EVI5: variants seen among roughly 807,000 people sequenced by gnomAD.
EVI5 encodes the protein ecotropic viral integration site 5 protein homolog.
In EVI5, 73 loss-of-function variants were observed where a neutral mutation model predicts 112.0. The ratio of observed to expected loss-of-function variants is 0.65; its 90% confidence interval spans 0.54 to 0.79. The LOEUF (loss-of-function observed/expected upper bound fraction) is 0.79. Among genes scored for constraint, EVI5 ranks in the 30% least tolerant of loss-of-function variants. EVI5 has a pLI of 0.00. For missense variants in EVI5, 900 were observed against 968.8 expected, an observed-to-expected ratio of 0.93 and a Z score of 0.94; for synonymous variants, 305 against 319.9, an observed-to-expected ratio of 0.95 and a Z score of 0.50.
rs1669403225 is a variant in EVI5, at chr1:92,565,965, A to AAAAAAAAAAAAAAG, written c.2071-2229_2071-2228insCTTTTTTTTTTTTT. Among the ~76,000 whole-genome samples the AAAAAAAAAAAAAAG allele has an allele frequency of 2.0e-5, 3 of 149,860 alleles. No homozygotes were observed. The South Asian group carries it at 6.5e-4, about 33-fold the overall frequency. ...AGCCCGAGCAAAAAAAAAAAAAAAA[A>AAAAAAAAAAAAAAG]AAAGAAATGTTCTAGCGACAGAGTG... On this transcript the variant is annotated intron_variant, in intron 18 of 19. Transcript: ENST00000684568.
chr1:92,658,288 A>G (rs1270808485), intron 13 of EVI5, among the ~76,000 whole-genome samples: 1 of 152,200 alleles, frequency 6.6e-6, no homozygotes, highest in Admixed American at 6.5e-5. Flanking sequence ...GGAAAAGAGG[A>G]AGTCAAATTA....
At chr1:92,549,336 C>T (rs988872721) in intron 19 of EVI5, among the ~76,000 whole-genome samples, 4 of 152,098 alleles carry the variant, frequency 2.6e-5, no homozygotes, top group East Asian at 1.9e-4. Context: ...ACACCTTATA[C>T]TAAAATTAAT....
intron 9 of EVI5, among the ~76,000 whole-genome samples, chr1:92,683,328 T>A (rs1413013810): frequency 6.6e-6 from 1 of 152,132 alleles, no homozygotes; most frequent in Non-Finnish European, 1.5e-5. Context: ...GGGTTCTGAC[T>A]GTTAGAAGAA....
Position 92,695,300 on chromosome 1 carries a change from A to G in EVI5, c.909+10T>C. ...CTCAGCTCCTGCTCTTTGTCTGCCC[A>G]TTAGCTTACCTCAGACATAAAGATA... On this transcript the variant is annotated intron_variant, in intron 7 of 19. Transcript: ENST00000684568. 1.2e-6 allele frequency: 2 copies of G among 1,602,134 alleles called. No homozygotes were observed. Among genetic ancestry groups the G allele is most frequent in the Non-Finnish European group, 1.7e-6 (2 of 1,174,268 alleles).
At chr1:92,553,185 C>T (rs1467253047) in intron 19 of EVI5, among the ~76,000 whole-genome samples, 2 of 151,960 alleles carry the variant, frequency 1.3e-5, no homozygotes, top group Non-Finnish European at 2.9e-5. Flanking sequence ...GGCTGGAACG[C>T]AGTGGTACAA....
intron 18 of EVI5, among the ~76,000 whole-genome samples, chr1:92,587,271 A>AT (rs1482097917): frequency 2.0e-5 from 3 of 152,058 alleles, no homozygotes; most frequent in East Asian, 1.9e-4. Flanking sequence ...TACAGAAGAT[A>AT]TTTTTTCAAA....
intron 13 of EVI5, among the ~76,000 whole-genome samples, chr1:92,643,549 C>T (rs1660394244): frequency 6.6e-6 from 1 of 152,082 alleles, no homozygotes; most frequent in Non-Finnish European, 1.5e-5. Flanking sequence ...GCTATGGTTA[C>T]AGGCATGAGT....
chr1:92,634,550 C>G (rs185021359), intron 14 of EVI5, among the ~76,000 whole-genome samples: 10 of 152,284 alleles, frequency 6.6e-5, no homozygotes, highest in African/African-American at 2.4e-4. Context: ...AAGGACTTCT[C>G]TGCATTGGTT....
chr1:92,561,360 G>A (rs1668504351), intron 19 of EVI5, among the ~76,000 whole-genome samples: 1 of 151,848 alleles, frequency 6.6e-6, no homozygotes, highest in African/African-American at 2.4e-5. Context: ...TTTTCAAAAA[G>A]ATGCAGTTTG....
chr1:92,639,994 C>T (rs1394279606), intron 13 of EVI5, among the ~76,000 whole-genome samples: 1 of 152,070 alleles, frequency 6.6e-6, no homozygotes, highest in African/African-American at 2.4e-5. Flanking sequence ...TTCAACAAAC[C>T]CGACAAAAGC....
intron 16 of EVI5, among the ~76,000 whole-genome samples, chr1:92,621,092 A>G (rs1157074028): frequency 4.6e-5 from 7 of 152,128 alleles, no homozygotes; most frequent in Non-Finnish European, 1.0e-4. Context: ...AAACTCTTGA[A>G]AGATGTATAA....
In EVI5 at chr1:92,733,572, A is replaced by AT. The variant is rs952814250; in HGVS notation, c.149+2825dup. Among the ~76,000 whole-genome samples, 345 of 145,758 alleles carry AT rather than the reference A, an allele frequency of 2.4e-3. 1 individual carries two copies. The highest frequency in any genetic ancestry group is 3.8e-3 in the Non-Finnish European group (251 of 65,860). ...AGGCACGCGCCACCACACCCAGCTAATTTTTTTTTTTTTAATTTTAGTAAA... is the reference window on the plus strand; with the variant it reads ...AGGCACGCGCCACCACACCCAGCTAATTTTTTTTTTTTTTAATTTTAGTAAA... On this transcript the variant is annotated intron_variant, in intron 2 of 19. Transcript: ENST00000684568.
At chr1:92,736,377 A>C in intron 2 of EVI5, 21 bp downstream of exon 2, 1 of 1,486,564 alleles carries the variant, frequency 6.7e-7, no homozygotes, top group Non-Finnish European at 9.4e-7. Flanking sequence ...GGAGAGAAAA[A>C]AGCTAAGCAA....
At chr1:92,756,640 C>G in intron 1 of EVI5, 1 of 504,556 alleles carries the variant, frequency 2.0e-6, no homozygotes, top group Non-Finnish European at 4.1e-6. Context: ...AGTCTCCCAG[C>G]CCTCACAGCC....
chr1:92,732,429 T>C (rs1434263752), intron 2 of EVI5: 3 of 238,320 alleles, frequency 1.3e-5, no homozygotes, highest in Non-Finnish European at 1.7e-5. Context: ...TGCAAAGGAA[T>C]TGCATTGAAA....
In EVI5 at chr1:92,743,622, T is replaced by C. The variant is rs551810534; in HGVS notation, c.-81-6995A>G. On this transcript the variant is annotated intron_variant, in intron 1 of 19. Transcript: ENST00000684568. ...TGGTGGTTGTACAACAATATGAATA[T>C]ACTTAATTATAGACTTAAAATGGTT... 3.3e-5 allele frequency among the ~76,000 whole-genome samples: 5 copies of C among 152,278 alleles called. No individual in the cohort carries two copies. The South Asian group carries it at 6.2e-4, about 19-fold the overall frequency.
At chr1:92,620,022 A>G (rs1351786751) in intron 16 of EVI5, among the ~76,000 whole-genome samples, 1 of 152,188 alleles carries the variant, frequency 6.6e-6, no homozygotes, top group East Asian at 1.9e-4. Context: ...CCCCTCAAGA[A>G]GGGAGCATGA....
intron 16 of EVI5, among the ~76,000 whole-genome samples, chr1:92,612,726 G>GAA (rs11290213): frequency 1.8e-5 from 2 of 109,766 alleles, no homozygotes; most frequent in Non-Finnish European, 3.4e-5. Flanking sequence ...AAAAAAAAAG[G>GAA]AAAAAAAAAA....
At chr1:92,658,665 T>C (rs1253096830) in intron 13 of EVI5, among the ~76,000 whole-genome samples, 1 of 152,034 alleles carries the variant, frequency 6.6e-6, no homozygotes, top group African/African-American at 2.4e-5. Context: ...CCCAAAGCAG[T>C]CTACAGAGTC....
Sources: allele counts gnomAD v4.1 joint callset (sites outside exome capture counted in the v4.1 genomes callset), GRCh38; gene constraint gnomAD v4.1.1; transcripts MANE v1.5; gene names NCBI Gene and HGNC (gene_info 2026-07-23, HGNC 2026-07-21).